The following DNM1 variants were observed in gnomAD, a reference collection of about 807,000 sequenced individuals.
The protein encoded by DNM1 is dynamin-1.
A neutral mutation model predicts 104.6 loss-of-function variants in DNM1; 29 were observed. That is an observed-to-expected ratio of 0.28 (90% CI 0.21 to 0.38). DNM1 has a LOEUF of 0.38. DNM1 is among the 10% of genes least tolerant of loss of function. DNM1 has a pLI of 1.00. For missense variants in DNM1, 640 were observed against 1,189.4 expected (o/e 0.54, Z 6.79); for synonymous variants, 445 against 475.8 (o/e 0.94, Z 0.84).
At chr9:128,212,364 A>G (rs1233330103) in intron 1 of DNM1, among the ~76,000 whole-genome samples, 1 of 152,306 alleles carries the variant, frequency 6.6e-6, no homozygotes, top group East Asian at 1.9e-4. Context: ...AGTCCCAGCT[A>G]CTTCGGAGAT....
Position 128,254,433 on chromosome 9 carries a change from C to A in DNM1, c.2535-221C>A. The A allele has an allele frequency of 6.9e-7, 1 of 1,454,220 alleles. No homozygotes were observed. Among genetic ancestry groups the A allele is most frequent in the Non-Finnish European group, 9.0e-7 (1 of 1,111,440 alleles). The allele number at this position is 1,454,220 out of a possible 1,614,324, so 90.1% of individuals were successfully genotyped here. On this transcript the variant is annotated intron_variant, in intron 21 of 21. Transcript: ENST00000372923. The surrounding 1 kb of genome is among the most constrained non-coding windows in gnomAD (Gnocchi z 6.1). Reference sequence around the variant, plus strand: ...GGGGAGGGCCGCCACAGCCCCCAGGCGCTATCTGTGAAGCTACGGCTCCTC... The same window carrying A: ...GGGGAGGGCCGCCACAGCCCCCAGGAGCTATCTGTGAAGCTACGGCTCCTC...
rs1833659684 is a variant in DNM1 at position 128,203,801 on chromosome 9, C to A, written c.161+170C>A. 6.7e-6 allele frequency among the ~76,000 whole-genome samples: 1 copy of A among 149,478 alleles called. No individual in the cohort carries two copies. Among genetic ancestry groups the A allele is most frequent in the South Asian group, 2.1e-4 (1 of 4,682 alleles). ...GAGGCCCTCCCCCCACCACGAGAGC[C>A]CCTCGGGGCAGCAGCGCCCCCCGCT... On this transcript the variant is annotated intron_variant, in intron 1 of 21. Coordinates refer to ENST00000372923, the MANE Select transcript of DNM1 (RefSeq NM_004408.4). The surrounding 1 kb of genome is among the most constrained non-coding windows in gnomAD (Gnocchi z 5.3).
intron 1 of DNM1, among the ~76,000 whole-genome samples, chr9:128,211,611 A>G (rs925639687): frequency 1.3e-5 from 2 of 150,036 alleles, no homozygotes; most frequent in African/African-American, 2.5e-5. Context: ...GCCCCAAGCG[A>G]TCCTCCCACC....
chr9:128,230,862 G>T (rs1835641385), intron 10 of DNM1, among the ~76,000 whole-genome samples: 1 of 152,088 alleles, frequency 6.6e-6, no homozygotes. Context: ...GAGTGCAGTG[G>T]CACGATCTCG....
chr9:128,220,133 TTCCC>T lies in DNM1; in HGVS notation c.689-47_689-44del, dbSNP rs746996782. The T allele has an allele frequency of 2.4e-4, 376 of 1,573,860 alleles. 2 individuals are homozygous for T. The highest frequency in any genetic ancestry group is 3.2e-4 in the Non-Finnish European group (372 of 1,151,122). On this transcript the variant is annotated intron_variant, in intron 5 of 21. Coordinates refer to ENST00000372923, the MANE Select transcript of DNM1 (RefSeq NM_004408.4). The surrounding 1 kb of genome is among the most constrained non-coding windows in gnomAD (Gnocchi z 5.2). ...ACCACTCCCCAGCCCTTCCCCACCC[TTCCC>T]CTCCTCTTGAGGCTGGTTGCCCTGA... is the stretch of plus-strand genomic sequence containing the variant.
chr9:128,239,566 A>AAG, intron 12 of DNM1, 51 bp downstream of exon 12: 1 of 1,052,484 alleles, frequency 9.5e-7, no homozygotes, highest in Non-Finnish European at 1.4e-6. Flanking sequence ...AGAGAAGGTA[A>AAG]CGTGTGTGTG....
chr9:128,231,490 C>T (rs1001773453), intron 10 of DNM1, among the ~76,000 whole-genome samples: 20 of 152,082 alleles, frequency 1.3e-4, no homozygotes, highest in African/African-American at 4.8e-5. Flanking sequence ...TGCAAGCCAC[C>T]GCAACCGGCC....
In DNM1 at chr9:128,253,173, T is replaced by C; in HGVS notation, c.2535-1481T>C. 6.3e-7 allele frequency: 1 copy of C among 1,596,486 alleles called. No homozygotes were observed. The highest frequency in any genetic ancestry group is 8.5e-7 in the Non-Finnish European group (1 of 1,177,104). On this transcript the variant is annotated intron_variant, in intron 21 of 21. Transcript: ENST00000372923. The surrounding 1 kb of genome is among the most constrained non-coding windows in gnomAD (Gnocchi z 5.9). ...GCCTCACCGCCTGCTGCATGAACGGTGTGTCTGCCCCGCTGCACTAGCTCC... is the reference window on the plus strand; with the variant it reads ...GCCTCACCGCCTGCTGCATGAACGGCGTGTCTGCCCCGCTGCACTAGCTCC...
At chr9:128,209,730 T>G (rs1834178059) in intron 1 of DNM1, among the ~76,000 whole-genome samples, 1 of 152,164 alleles carries the variant, frequency 6.6e-6, no homozygotes, top group African/African-American at 2.4e-5. Context: ...CCAGCCCTCA[T>G]ATCCCAGCTC....
Position 128,222,622 on chromosome 9 carries a change from G to A in DNM1, c.1128+26G>A. The A allele has an allele frequency of 2.5e-6, 4 of 1,613,526 alleles. No homozygotes were observed. Among genetic ancestry groups the A allele is most frequent in the African/African-American group, 1.3e-5 (1 of 75,036 alleles). On this transcript the variant is annotated intron_variant, in intron 8 of 21. Transcript: ENST00000372923. The surrounding 1 kb of genome is among the most constrained non-coding windows in gnomAD (Gnocchi z 7.8). ...GTAGGTCAGGCAGCCCTGGGGACAG[G>A]ATGGCTCAGGACTCCCCCCACCCTC...
In DNM1 at chr9:128,250,350, G is replaced by A; in HGVS notation, c.2312G>A (p.Gly771Glu). 1 of 1,582,470 alleles carries A rather than the reference G, an allele frequency of 6.3e-7. No homozygotes were observed. The highest frequency in any genetic ancestry group is 8.6e-7 in the Non-Finnish European group (1 of 1,165,802). The change falls in exon 20 of 22, where the codon GGA becomes GAA. Residue 771 changes from glycine (G) to glutamate (E), a missense_variant. Coordinates refer to ENST00000372923, the MANE Select transcript of DNM1 (RefSeq NM_004408.4). ...SWLQVQSVPA[G>E]RRSPTSSPTP... ...CTGCAGGTGCAGAGCGTACCGGCCG[G>A]ACGCAGGTACCAGGGCCGGCCCCCA...
chr9:128,249,152 C>T (rs1829351042), intron 19 of DNM1, among the ~76,000 whole-genome samples: 1 of 148,302 alleles, frequency 6.7e-6, no homozygotes, highest in Non-Finnish European at 1.5e-5. Context: ...GAGATCCTGC[C>T]ACTGCACTCC....
intron 14 of DNM1, 30 bp from the exon 15 acceptor site, chr9:128,242,202 C>A (rs1434249559): frequency 3.0e-6 from 4 of 1,311,588 alleles, no homozygotes; most frequent in African/African-American, 1.4e-5. Context: ...CAGGCCCTGT[C>A]CACTGACCTC....
intron 10 of DNM1, among the ~76,000 whole-genome samples, chr9:128,229,261 A>T (rs1835524002): frequency 2.0e-5 from 3 of 151,504 alleles, no homozygotes; most frequent in Admixed American, 2.0e-4. Flanking sequence ...CAGGCGTGGC[A>T]GTATGCACCT....
chr9:128,220,745 G>GTA lies in DNM1; in HGVS notation c.849+405_849+406insAT, dbSNP rs1834916259. Among the ~76,000 whole-genome samples the GTA allele has an allele frequency of 6.7e-6, 1 of 150,344 alleles. No homozygotes were observed. Among genetic ancestry groups the GTA allele is most frequent in the African/African-American group, 2.5e-5 (1 of 40,800 alleles). Reference sequence around the variant, plus strand: ...AACTGAAGTGCGCGCGCGCGCGCGTGTGTGTGTGTGTGTGTGTGTGTGTCT... The same window carrying GTA: ...AACTGAAGTGCGCGCGCGCGCGCGTGTATGTGTGTGTGTGTGTGTGTGTGTCT... On this transcript the variant is annotated intron_variant, in intron 6 of 21. Coordinates refer to ENST00000372923, the MANE Select transcript of DNM1 (RefSeq NM_004408.4). The surrounding 1 kb of genome is among the most constrained non-coding windows in gnomAD (Gnocchi z 5.2).
chr9:128,216,648 G>C (rs545962735), intron 1 of DNM1, among the ~76,000 whole-genome samples: 1 of 152,324 alleles, frequency 6.6e-6, no homozygotes, highest in South Asian at 2.1e-4. Context: ...CACTTCCCCA[G>C]ACGTGAGGCA....
intron 20 of DNM1, 124 bp from the exon 21 acceptor site, chr9:128,250,601 A>C (rs1252941229): frequency 2.0e-6 from 2 of 1,019,522 alleles, no homozygotes; most frequent in Admixed American, 3.5e-5. Context: ...CGACCGCCTT[A>C]GGGGTGCGGC....
chr9:128,251,011 T>C, intron 21 of DNM1, 71 bp downstream of exon 21: 1 of 998,494 alleles, frequency 1.0e-6, no homozygotes, highest in South Asian at 1.4e-5. Flanking sequence ...GGGGCTGGAT[T>C]CCAGAGCATC....
chr9:128,233,147 G>C (rs975986776), intron 10 of DNM1, among the ~76,000 whole-genome samples: 2 of 152,250 alleles, frequency 1.3e-5, no homozygotes, highest in South Asian at 2.1e-4. Context: ...GACGGGTTTG[G>C]AGCAACTTCC....
Sources: gnomAD v4.1 joint callset for allele counts (sites outside exome capture counted in the v4.1 genomes callset) on GRCh38, gnomAD v4.1.1 for gene constraint, Gnocchi (gnomAD v3.1) non-coding constraint, MANE v1.5 for transcripts, NCBI Gene and HGNC (gene_info 2026-07-23, HGNC 2026-07-21) for gene names.